The following CHN2 variants were observed in gnomAD, a reference collection of about 807,000 sequenced individuals.
CHN2 encodes the protein chimerin 2, also known as beta-chimaerin.
In CHN2, 35 loss-of-function variants were observed where a neutral mutation model predicts 56.3. The ratio of observed to expected loss-of-function variants is 0.62; its 90% CI spans 0.47 to 0.82. The LOEUF is 0.82. Ranked by LOEUF, CHN2 falls within the 40% of genes least tolerant of loss-of-function variation. The pLI, the probability that CHN2 is intolerant of heterozygous loss-of-function variation, is 0.00. For synonymous variants in CHN2, 210 were observed against 212.8 expected, an observed-to-expected ratio of 0.99 and a Z score of 0.12; for missense variants, 491 against 580.5, an observed-to-expected ratio of 0.85 and a Z score of 1.58.
intron 1 of CHN2, among the ~76,000 whole-genome samples, chr7:29,306,270 C>T (rs1360968612): frequency 6.6e-6 from 1 of 152,076 alleles, no homozygotes; most frequent in Non-Finnish European, 1.5e-5. Context: ...TATCAGTTTC[C>T]TGGGAGGATA....
chr7:29,431,752 CAGGGAGG>C lies in CHN2; in HGVS notation c.576+30929_576+30935del, dbSNP rs745434283. On this transcript the variant is annotated intron_variant, in intron 6 of 12. Coordinates refer to ENST00000222792, the MANE Select transcript of CHN2 (RefSeq NM_004067.4). ...CCATCTAACACCTGTATTGGGCAAT[CAGGGAGG>C]AGGGCCACAGGGCCACCTTAGCAAT... 3.2e-3 allele frequency among the ~76,000 whole-genome samples: 489 copies of C among 152,302 alleles called. 2 individuals carry two copies. The highest frequency in any genetic ancestry group is 4.5e-3 in the Non-Finnish European group (304 of 68,024).
intron 1 of CHN2, among the ~76,000 whole-genome samples, chr7:29,293,174 T>C (rs1462921844): frequency 6.6e-6 from 1 of 152,192 alleles, no homozygotes; most frequent in Non-Finnish European, 1.5e-5. Flanking sequence ...CTGAAGGTGA[T>C]TGTCCCTGCT....
At chr7:29,222,330 T>C (rs935024916) in intron 1 of CHN2, among the ~76,000 whole-genome samples, 1 of 152,136 alleles carries the variant, frequency 6.6e-6, no homozygotes, top group Non-Finnish European at 1.5e-5. Flanking sequence ...TAAGCTACCA[T>C]TGACTTTCTT....
At chr7:29,503,181 G>A (rs968942123) in intron 9 of CHN2, among the ~76,000 whole-genome samples, 9 of 152,130 alleles carry the variant, frequency 5.9e-5, no homozygotes, top group Non-Finnish European at 8.8e-5. Context: ...AGGTCCTGAG[G>A]GAGGGACCCT....
rs189148482 is a variant in CHN2, at chr7:29,343,860, T to C, written c.50-10765T>C. Among the ~76,000 whole-genome samples the C allele has an allele frequency of 3.7e-3, 564 of 152,256 alleles. 3 individuals carry two copies. Among genetic ancestry groups the C allele is most frequent in the African/African-American group, 0.013 (524 of 41,554 alleles). On this transcript the variant is annotated intron_variant, in intron 1 of 12. Coordinates refer to ENST00000222792, the MANE Select transcript of CHN2 (RefSeq NM_004067.4). ...CATTCCTGGATCTCCAGTCCAGGCC[T>C]CTTTTCTGAACTGCAGGTCTCTTAG... is the stretch of plus-strand genomic sequence containing the variant.
Position 29,391,084 on chromosome 7 carries a change from C to T in CHN2, c.145-2595C>T, listed in dbSNP as rs984287351. On this transcript the variant is annotated intron_variant, in intron 3 of 12. Transcript: ENST00000222792. ...TCCCAGCCTCTCTCTCTCTCTTTGA[C>T]ATTAACAAGGACACATATATTTTCT... Among the ~76,000 whole-genome samples the T allele has an allele frequency of 3.3e-5, 5 of 152,012 alleles. No individual in the cohort carries two copies. In the East Asian group the frequency reaches 9.6e-4, roughly 29 times the overall value.
At chr7:29,322,890 C>A (rs1330267654) in intron 1 of CHN2, among the ~76,000 whole-genome samples, 5 of 152,106 alleles carry the variant, frequency 3.3e-5, no homozygotes, top group African/African-American at 1.2e-4. Flanking sequence ...TGGCTGGGTG[C>A]GGTGGCTCAT....
intron 6 of CHN2, among the ~76,000 whole-genome samples, chr7:29,467,866 C>T (rs1303312198): frequency 6.6e-6 from 1 of 152,140 alleles, no homozygotes; most frequent in Non-Finnish European, 1.5e-5. Context: ...ACAACGTGAG[C>T]TCAATAATTG....
At chr7:29,282,973 T>TAG (rs1791838968) in intron 1 of CHN2, among the ~76,000 whole-genome samples, 1 of 151,784 alleles carries the variant, frequency 6.6e-6, no homozygotes, top group African/African-American at 2.4e-5. Flanking sequence ...GCCCGAGTGG[T>TAG]AGAGGAAGTG....
At chr7:29,504,483 G>T (rs1790340084) in intron 9 of CHN2, among the ~76,000 whole-genome samples, 1 of 152,174 alleles carries the variant, frequency 6.6e-6, no homozygotes, top group Non-Finnish European at 1.5e-5. Flanking sequence ...TTAAATATCA[G>T]TTCTCTTTGC....
chr7:29,509,412 C>T lies in CHN2; in HGVS notation c.1235+6C>T, dbSNP rs1046345886. The T allele has an allele frequency of 8.7e-6, 14 of 1,609,274 alleles. No individual in the cohort carries two copies. The Admixed American group carries it at 1.7e-4, about 19-fold the overall frequency. On this transcript the variant is annotated splice_donor_region_variant and intron_variant, in intron 12 of 12. Transcript: ENST00000222792. ...CTAATGATCCACCTCAAAAAGTAAG[C>T]TCATGTCTCGTGCACAAAGCCTGCT...
chr7:29,282,046 G>A (rs1791764498), intron 1 of CHN2, among the ~76,000 whole-genome samples: 1 of 152,208 alleles, frequency 6.6e-6, no homozygotes, highest in African/African-American at 2.4e-5. Context: ...GGCCGGGATG[G>A]GAACTATGAC....
At chr7:29,370,958 G>T (rs1034155547) in intron 3 of CHN2, among the ~76,000 whole-genome samples, 1 of 152,174 alleles carries the variant, frequency 6.6e-6, no homozygotes, top group Non-Finnish European at 1.5e-5. Flanking sequence ...CCACTTTCTA[G>T]CTACCTAACA....
chr7:29,224,211 A>G (rs1037494509), intron 1 of CHN2, among the ~76,000 whole-genome samples: 29 of 152,198 alleles, frequency 1.9e-4, no homozygotes, highest in African/African-American at 6.0e-4. Context: ...TTACTTCTTA[A>G]TCATTAATAT....
intron 1 of CHN2, among the ~76,000 whole-genome samples, chr7:29,324,581 C>T (rs948766789): frequency 6.7e-6 from 1 of 150,136 alleles, no homozygotes; most frequent in South Asian, 2.1e-4. Flanking sequence ...CCTGCTAGAT[C>T]GTGTCTTCTA....
At chr7:29,215,088 T>G (rs1584760262) in intron 1 of CHN2, among the ~76,000 whole-genome samples, 1 of 152,184 alleles carries the variant, frequency 6.6e-6, no homozygotes, top group Non-Finnish European at 1.5e-5. Context: ...TGAACTTCAC[T>G]GTAAAGGAGT....
chr7:29,395,412 A>C (rs1172948807), intron 4 of CHN2, among the ~76,000 whole-genome samples: 1 of 151,990 alleles, frequency 6.6e-6, no homozygotes, highest in African/African-American at 2.4e-5. Context: ...GGTCCCAGCT[A>C]CTCAGGACCA....
chr7:29,289,174 T>G (rs932249835), intron 1 of CHN2: 1 of 152,230 alleles, frequency 6.6e-6, no homozygotes, highest in Non-Finnish European at 1.5e-5. Context: ...CTATTTGGCT[T>G]GTAGGTTGGA....
At chr7:29,285,632 G>T (rs1401603311) in intron 1 of CHN2, among the ~76,000 whole-genome samples, 2 of 152,186 alleles carry the variant, frequency 1.3e-5, no homozygotes, top group African/African-American at 4.8e-5. Flanking sequence ...CACATATGTG[G>T]TTGCTAGGGT....
Sources: gnomAD v4.1 joint callset for allele counts (sites outside exome capture counted in the v4.1 genomes callset) on GRCh38, gnomAD v4.1.1 for gene constraint, MANE v1.5 for transcripts, NCBI Gene and HGNC (gene_info 2026-07-23, HGNC 2026-07-21) for gene names.